The following ARMC8 variants were observed in gnomAD, a reference collection of about 807,000 sequenced individuals.
ARMC8 encodes armadillo repeat-containing protein 8.
Under a neutral mutation model 99.3 loss-of-function variants are expected in ARMC8, and 20 were observed. The observed-to-expected ratio is 0.20, with a 90% CI of 0.14 to 0.29. ARMC8 has a LOEUF of 0.29. ARMC8 is among the 10% of genes least tolerant of loss of function. The probability of loss-of-function intolerance (pLI) is 1.00; values close to 1 mark genes in which losing one functional copy is unlikely to be tolerated. For synonymous variants in ARMC8, 263 were observed against 278.3 expected (o/e 0.95, Z 0.55); for missense variants, 569 against 809.5 (o/e 0.70, Z 3.60).
rs71146118 is a variant in ARMC8 at position 138,205,060 on chromosome 3, C to CTTTTTTTTTTTTTTT, written c.46-4745_46-4731dup. Among the ~76,000 whole-genome samples the CTTTTTTTTTTTTTTT allele has an allele frequency of 5.9e-4, 55 of 93,216 alleles. 1 individual carries two copies. Among genetic ancestry groups the CTTTTTTTTTTTTTTT allele is most frequent in the African/African-American group, 1.3e-3 (30 of 22,578 alleles). 61.2% of individuals were successfully genotyped at this position (93,216 alleles called of 152,430 possible). On this transcript the variant is annotated intron_variant, in intron 1 of 21. Transcript: ENST00000469044. The stretch of plus-strand genomic sequence containing the variant: ...AACTCAGTCTCTTTTCTTTTCTTTT[C>CTTTTTTTTTTTTTTT]TTTTTTTTTTTTTTTTTTTTTTTTT...
At chr3:138,206,858 T>C (rs1034850407) in intron 1 of ARMC8, among the ~76,000 whole-genome samples, 6 of 152,222 alleles carry the variant, frequency 3.9e-5, no homozygotes, top group African/African-American at 1.4e-4. Context: ...GAGCAACTTA[T>C]ATGATTATTT....
chr3:138,252,065 G>A (rs7631734), intron 12 of ARMC8, among the ~76,000 whole-genome samples: 71,063 of 152,022 alleles, frequency 0.47, 18,972 homozygotes, highest in East Asian at 0.84. Flanking sequence ...ATAAGAATCA[G>A]GGATTGTTGC....
chr3:138,221,972 C>A lies in ARMC8; in HGVS notation c.169C>A (p.Leu57Ile). ...TGGAAACAACAAGCAGAAAGCCAAT[C>A]TCATTGTTTTAGGAGCTGTTCCAAG... ...VIGNNKQKAN[L>I]IVLGAVPRLL... Residue 57 changes from leucine (L) to isoleucine (I), a missense_variant, in exon 3 of 22, where the codon CTC (leucine) becomes ATC (isoleucine). Physicochemically the swap from Leu to Ile is conservative, Grantham distance 5 (BLOSUM62 2). Transcript: ENST00000469044. 6.2e-7 allele frequency: 1 copy of A among 1,613,598 alleles called. No homozygotes were observed. The highest frequency in any genetic ancestry group is 8.5e-7 in the Non-Finnish European group (1 of 1,179,684).
intron 12 of ARMC8, among the ~76,000 whole-genome samples, chr3:138,248,680 C>A (rs904486608): frequency 6.6e-6 from 1 of 152,136 alleles, no homozygotes; most frequent in Non-Finnish European, 1.5e-5. Context: ...TTGATTAGGA[C>A]CTGTCGATCA....
chr3:138,260,798 T>C (rs1425061538), intron 12 of ARMC8, among the ~76,000 whole-genome samples: 1 of 152,242 alleles, frequency 6.6e-6, no homozygotes, highest in African/African-American at 2.4e-5. Context: ...GGCAAGCATC[T>C]GGAGCCAATG....
intron 18 of ARMC8, among the ~76,000 whole-genome samples, chr3:138,275,228 A>T (rs778722738): frequency 6.6e-6 from 1 of 152,228 alleles, no homozygotes. Flanking sequence ...GTTTTTTGAC[A>T]TAGGTTTTGG....
chr3:138,200,962 A>C (rs1472389024), intron 1 of ARMC8, among the ~76,000 whole-genome samples: 1 of 128,118 alleles, frequency 7.8e-6, no homozygotes, highest in Non-Finnish European at 1.6e-5. Flanking sequence ...ACCCAGGCTG[A>C]AGTGCAGTGG....
intron 9 of ARMC8, among the ~76,000 whole-genome samples, 181 bp downstream of exon 9, chr3:138,237,753 A>G (rs1475264182): frequency 6.6e-6 from 1 of 152,216 alleles, no homozygotes; most frequent in African/African-American, 2.4e-5. Context: ...TCAGCTTATT[A>G]CTAGTAATAT....
chr3:138,264,305 C>A, intron 14 of ARMC8, 93 bp downstream of exon 14: 1 of 923,080 alleles, frequency 1.1e-6, no homozygotes, highest in Non-Finnish European at 1.7e-6. Context: ...AGGAGTATGT[C>A]TGATTTTTGT....
intron 12 of ARMC8, among the ~76,000 whole-genome samples, chr3:138,263,267 C>G (rs2047932053): frequency 1.3e-5 from 2 of 152,332 alleles, no homozygotes; most frequent in South Asian, 4.1e-4. Flanking sequence ...GCAAGGGTTA[C>G]TTTTCTAAAA....
Position 138,296,679 on chromosome 3 carries a change from A to G in ARMC8, c.*787A>G, listed in dbSNP as rs1297636803. On this transcript the variant is annotated 3_prime_UTR_variant, in exon 22 of 22. Coordinates refer to ENST00000469044, the MANE Select transcript of ARMC8 (RefSeq NM_001363941.2). ...AGGTACAGAGCCTTTTTTCATCCTA[A>G]TTCAGTAAGTTCTCAGGCTTCCAAG... 6.6e-6 allele frequency: 1 copy of G among 152,234 alleles called. No individual in the cohort carries two copies. Among genetic ancestry groups the G allele is most frequent in the Non-Finnish European group, 1.5e-5 (1 of 68,056 alleles). The allele number at this position is 152,234 out of a possible 1,614,324, so 9.4% of individuals were successfully genotyped here. A position where few individuals can be genotyped will look rare whatever the true frequency, so the allele number is the denominator to read the frequency against.
In ARMC8 at chr3:138,267,225, T is replaced by C; in HGVS notation, c.1370T>C (p.Phe457Ser). 1 of 1,571,832 alleles carries C rather than the reference T, an allele frequency of 6.4e-7. No individual in the cohort carries two copies. The highest frequency in any genetic ancestry group is 8.6e-7 in the Non-Finnish European group (1 of 1,156,276). ...SSMLCNLLLE[F>S]SPSKEPILES... The stretch of plus-strand genomic sequence containing the variant: ...ATGCTGTGTAATCTTCTTCTTGAAT[T>C]TTCTCCAAGCAAAGAGGTTAGTATT... Residue 457 changes from phenylalanine to serine, a missense_variant, in exon 15 of 22, where the codon TTT becomes TCT. Around this residue, in one of 2 missense-constraint regions of ARMC8, gnomAD observed 227 missense variants for 417.9 expected, o/e 0.54. Transcript: ENST00000469044.
At position 138,215,407 on chromosome 3, in the gene ARMC8, G is replaced by A. The variant is rs192906231; in HGVS notation, c.122+5514G>A. ...AATTTTTTGTATTTTTAGTAGAGAC[G>A]GGGTTTCACCGTGTTAACCAGGATG... On this transcript the variant is annotated intron_variant, in intron 2 of 21. Transcript: ENST00000469044. 8.8e-3 allele frequency among the ~76,000 whole-genome samples: 1,341 copies of A among 151,998 alleles called. 10 individuals carry two copies. Among genetic ancestry groups the A allele is most frequent in the Non-Finnish European group, 0.014 (982 of 67,976 alleles).
intron 1 of ARMC8, among the ~76,000 whole-genome samples, chr3:138,191,548 C>T (rs1359986447): frequency 6.6e-6 from 1 of 152,050 alleles, no homozygotes; most frequent in Non-Finnish European, 1.5e-5. Context: ...ATCATTTTAT[C>T]ACATGTTTAT....
chr3:138,239,432 C>G, intron 9 of ARMC8, 36 bp from the exon 10 acceptor site: 1 of 1,519,396 alleles, frequency 6.6e-7, no homozygotes, highest in Non-Finnish European at 8.9e-7. Context: ...GCTTTAAACT[C>G]CAAGCAAAAA....
intron 15 of ARMC8, among the ~76,000 whole-genome samples, chr3:138,269,471 T>C (rs1390993687): frequency 1.3e-5 from 2 of 152,188 alleles, no homozygotes; most frequent in African/African-American, 2.4e-5. Flanking sequence ...TACAGGACTG[T>C]TTTGCTTGTA....
chr3:138,295,750 C>T, intron 21 of ARMC8, 109 bp from the exon 22 acceptor site: 1 of 1,287,234 alleles, frequency 7.8e-7, no homozygotes. Flanking sequence ...CCAATTCCCT[C>T]TGGAGATTTA....
At chr3:138,229,596 C>T (rs1178741438) in intron 6 of ARMC8, among the ~76,000 whole-genome samples, 1 of 152,094 alleles carries the variant, frequency 6.6e-6, no homozygotes, top group African/African-American at 2.4e-5. Context: ...ACTGTTTCCC[C>T]TCACCCTTGT....
chr3:138,256,953 C>T (rs2047439505), intron 12 of ARMC8, among the ~76,000 whole-genome samples: 1 of 152,072 alleles, frequency 6.6e-6, no homozygotes, highest in South Asian at 2.1e-4. Context: ...GTAAGAAAAC[C>T]TGGGAAATGG....
Sources: gnomAD v4.1 joint callset for allele counts (sites outside exome capture counted in the v4.1 genomes callset) on GRCh38, gnomAD v4.1.1 for gene constraint, gnomAD v4.1.1 regional missense constraint, MANE v1.5 for transcripts, NCBI Gene and HGNC (gene_info 2026-07-23, HGNC 2026-07-21) for gene names.